ALG10: variants seen among roughly 807,000 people sequenced by gnomAD.
ALG10 encodes dol-P-Glc:Glc(2)Man(9)GlcNAc(2)-PP-Dol alpha-1,2-glucosyltransferase A.
A neutral mutation model predicts 39.2 loss-of-function variants in ALG10; 25 were observed. The ratio of observed to expected loss-of-function variants is 0.64; its 90% CI spans 0.46 to 0.89. The LOEUF (loss-of-function observed/expected upper bound fraction) is 0.89. Ranked by LOEUF, ALG10 falls within the 40% of genes least tolerant of loss-of-function variation. ALG10 has a pLI of 0.00. For synonymous variants in ALG10, 184 were observed against 193.9 expected (o/e 0.95, Z 0.42); for missense variants, 486 against 546.6 (o/e 0.89, Z 1.11).
At chr12:34,025,148 T>G (rs946805047) in intron 2 of ALG10, among the ~76,000 whole-genome samples, 3 of 152,114 alleles carry the variant, frequency 2.0e-5, no homozygotes, top group African/African-American at 7.2e-5. Context: ...ACTTTGAACT[T>G]TAGCATGTAA....
At chr12:34,022,809 G>C in intron 1 of ALG10, 39 bp downstream of exon 1, 4 of 1,613,474 alleles carry the variant, frequency 2.5e-6, no homozygotes, top group Non-Finnish European at 3.4e-6. Flanking sequence ...GGAGAGGCCT[G>C]AGAGGTCCCA....
Position 34,026,435 on chromosome 12 carries a change from T to C in ALG10, c.942T>C (p.Thr314=). Residue 314 remains threonine, a synonymous_variant, in exon 3 of 3, where the codon ACT becomes ACC. Coordinates refer to ENST00000266483, the MANE Select transcript of ALG10 (RefSeq NM_032834.4). ...PHLLSPSKIK[T]FLSLVWKRRI... Reference sequence around the variant, plus strand: ...TCCTGTCTCCTAGCAAAATTAAGACTTTTCTTTCCTTAGTTTGGAAACGTA... The same window carrying C: ...TCCTGTCTCCTAGCAAAATTAAGACCTTTCTTTCCTTAGTTTGGAAACGTA... The C allele has an allele frequency of 6.2e-7, 1 of 1,613,936 alleles. No homozygotes were observed. The highest frequency in any genetic ancestry group is 8.5e-7 in the Non-Finnish European group (1 of 1,179,966).
chr12:34,024,217 G>A lies in ALG10; in HGVS notation c.369+58G>A, dbSNP rs916256892. ...GTGTAGTCAGGTCCACAATTACAAT[G>A]AATTAGTTTTATGAGATTTGGTGAA... is the stretch of plus-strand genomic sequence containing the variant. On this transcript the variant is annotated intron_variant, in intron 2 of 2. Coordinates refer to ENST00000266483, the MANE Select transcript of ALG10 (RefSeq NM_032834.4). The A allele has an allele frequency of 2.5e-6, 4 of 1,575,100 alleles. No homozygotes were observed. In the African/African-American group the frequency reaches 4.1e-5, roughly 16 times the overall value.
Position 34,026,469 on chromosome 12 carries a change from T to G in ALG10, c.976T>G (p.Phe326Val). The change falls in exon 3 of 3, where the codon TTT becomes GTT. Residue 326 changes from phenylalanine (F) to valine (V), a missense_variant. Coordinates refer to ENST00000266483, the MANE Select transcript of ALG10 (RefSeq NM_032834.4). ...LSLVWKRRIL[F>V]FVVTLVSVFL... ...CTTAGTTTGGAAACGTAGAATTCTG[T>G]TTTTTGTGGTTACCTTAGTCTCTGT... 6.2e-7 allele frequency: 1 copy of G among 1,614,032 alleles called. No homozygotes were observed. The highest frequency in any genetic ancestry group is 8.5e-7 in the Non-Finnish European group (1 of 1,179,952).
chr12:34,026,234 G>A lies in ALG10; in HGVS notation c.741G>A (p.Leu247=), dbSNP rs768107400. ...CTTATTCCATGTCCTTTAAAAACTT[G>A]AGTATGCTTTTGCTTCTGACTTGGC... ...LLAYSMSFKN[L]SMLLLLTWPY... is the part of the protein sequence containing the mutation. Residue 247 remains leucine, a synonymous_variant, in exon 3 of 3, where the codon TTG becomes TTA. Coordinates refer to ENST00000266483, the MANE Select transcript of ALG10 (RefSeq NM_032834.4). 6.2e-7 allele frequency: 1 copy of A among 1,614,018 alleles called. No individual in the cohort carries two copies. The highest frequency in any genetic ancestry group is 8.5e-7 in the Non-Finnish European group (1 of 1,179,944).
Position 34,026,842 on chromosome 12 carries a change from T to C in ALG10, c.1349T>C (p.Ile450Thr). 6.2e-7 allele frequency: 1 copy of C among 1,613,902 alleles called. No homozygotes were observed. Among genetic ancestry groups the C allele is most frequent in the South Asian group, 1.1e-5 (1 of 91,062 alleles). The change falls in exon 3 of 3, where the codon ATA becomes ACA. Residue 450 changes from isoleucine to threonine, a missense_variant. Coordinates refer to ENST00000266483, the MANE Select transcript of ALG10 (RefSeq NM_032834.4). Reference sequence around the variant, plus strand: ...AGCTGCTATGCAGTTGTTAATTTCATAACTTTTTTCATCTTTCTGAACAAG... The same window carrying C: ...AGCTGCTATGCAGTTGTTAATTTCACAACTTTTTTCATCTTTCTGAACAAG... ...ELSCYAVVNF[I>T]TFFIFLNKTF... is the part of the protein sequence containing the mutation.
chr12:34,026,036 T>C lies in ALG10; in HGVS notation c.543T>C (p.Cys181=). Residue 181 remains cysteine (C), a synonymous_variant, in exon 3 of 3, where the codon TGT becomes TGC. Transcript: ENST00000266483. ...AAACTTCAGCCTTCCTTGGATTTTG[T>C]GGCTTCATGTTTCGGCAAACAAATA... ...NHKTSAFLGF[C]GFMFRQTNII... The C allele has an allele frequency of 6.2e-7, 1 of 1,614,112 alleles. No individual in the cohort carries two copies.
chr12:34,026,020 C>G lies in ALG10; in HGVS notation c.527C>G (p.Ala176Gly), dbSNP rs776778309. The change falls in exon 3 of 3, where the codon GCC becomes GGC. Residue 176 changes from alanine (A) to glycine (G), a missense_variant. Ala to Gly is a moderately conservative substitution (Grantham distance 60, BLOSUM62 0). Transcript: ENST00000266483. Reference protein sequence around the residue: ...MCLYGNHKTSAFLGFCGFMFR... With the variant: ...MCLYGNHKTSGFLGFCGFMFR... ...CTTTATGGAAATCATAAAACTTCAG[C>G]CTTCCTTGGATTTTGTGGCTTCATG... 6.2e-6 allele frequency: 10 copies of G among 1,614,024 alleles called. No homozygotes were observed. Among genetic ancestry groups the G allele is most frequent in the Non-Finnish European group, 7.6e-6 (9 of 1,179,958 alleles).
In ALG10 at chr12:34,022,670, TCTC is replaced by T. The variant is rs776371338; in HGVS notation, c.73_75del (p.Ser25del). On this transcript the variant is annotated inframe_deletion, in exon 1 of 3. Coordinates refer to ENST00000266483, the MANE Select transcript of ALG10 (RefSeq NM_032834.4). ...ACCTTTTTAGTATCCTGCCTCCTCTTCTCCGCCTTCAGCCGGGCGTTGCGAGAG... is the reference window on the plus strand; with the variant it reads ...ACCTTTTTAGTATCCTGCCTCCTCTTCGCCTTCAGCCGGGCGTTGCGAGAG... The T allele has an allele frequency of 3.7e-6, 6 of 1,614,094 alleles. No individual in the cohort carries two copies. The highest frequency in any genetic ancestry group is 5.1e-6 in the Non-Finnish European group (6 of 1,180,012).
At position 34,023,958 on chromosome 12, in the gene ALG10, A is replaced by C. The variant is rs1259810539; in HGVS notation, c.172-4A>C. On this transcript the variant is annotated splice_polypyrimidine_tract_variant and splice_region_variant and intron_variant, in intron 1 of 2. Transcript: ENST00000266483. ...CTTTTACTTCATTTTCTTTCATTTTAAAGTGGGATCCCATGATTACTACAT... is the reference window on the plus strand; with the variant it reads ...CTTTTACTTCATTTTCTTTCATTTTCAAGTGGGATCCCATGATTACTACAT... 1 of 1,613,968 alleles carries C rather than the reference A, an allele frequency of 6.2e-7. No homozygotes were observed. The highest frequency in any genetic ancestry group is 1.7e-5 in the Admixed American group (1 of 60,028).
Position 34,024,157 on chromosome 12 carries a change from A to G in ALG10, c.367A>G (p.Lys123Glu), listed in dbSNP as rs1942808216. The G allele has an allele frequency of 3.7e-6, 6 of 1,613,984 alleles. No homozygotes were observed. Among genetic ancestry groups the G allele is most frequent in the Non-Finnish European group, 5.1e-6 (6 of 1,179,880 alleles). ...LLFCKVQPRN[K>E]AASSIQRVLS... The stretch of plus-strand genomic sequence containing the variant: ...TTTCTGCAAGGTACAACCCAGAAAC[A>G]AGGTATGTTTCAAAATACTTAATTA... The change falls in exon 2 of 3, where the codon AAG (lysine) becomes GAG (glutamate). Residue 123 changes from lysine to glutamate, a missense_variant and splice_region_variant. Physicochemically the swap from Lys to Glu is moderately conservative, Grantham distance 56. Transcript: ENST00000266483.
chr12:34,025,722 G>C, intron 2 of ALG10, 141 bp from the exon 3 acceptor site: 1 of 1,094,224 alleles, frequency 9.1e-7, no homozygotes, highest in Non-Finnish European at 1.3e-6. Context: ...CAAAGCCAGA[G>C]ATAAGATTAA....
At chr12:34,024,327 A>AT (rs1405167496) in intron 2 of ALG10, among the ~76,000 whole-genome samples, 168 bp downstream of exon 2, 2 of 152,256 alleles carry the variant, frequency 1.3e-5, no homozygotes, top group Non-Finnish European at 2.9e-5. Flanking sequence ...TTTAGAATAA[A>AT]TTCGTATTTA....
chr12:34,025,152 C>T (rs1942817105), intron 2 of ALG10, among the ~76,000 whole-genome samples: 1 of 152,108 alleles, frequency 6.6e-6, no homozygotes, highest in South Asian at 2.1e-4. Context: ...TGAACTTTAG[C>T]ATGTAATGTA....
chr12:34,022,413 A>C, upstream of ALG10: 1 of 890,120 alleles, frequency 1.1e-6, no homozygotes, highest in Non-Finnish European at 1.8e-6. Flanking sequence ...TAAACCCGTC[A>C]CTCCGGGAAA....
At position 34,026,919 on chromosome 12, in the gene ALG10, C is replaced by T; in HGVS notation, c.*4C>T. 6.2e-7 allele frequency: 1 copy of T among 1,612,538 alleles called. No individual in the cohort carries two copies. The highest frequency in any genetic ancestry group is 1.3e-5 in the African/African-American group (1 of 74,944). On this transcript the variant is annotated 3_prime_UTR_variant, in exon 3 of 3. Coordinates refer to ENST00000266483, the MANE Select transcript of ALG10 (RefSeq NM_032834.4). ...CATTCAAAGGTTTATGTGGTAATAT[C>T]AGTGATATTTCGAACTGTGAAAATG... is the stretch of plus-strand genomic sequence containing the variant.
At position 34,026,973 on chromosome 12, in the gene ALG10, G is replaced by A; in HGVS notation, c.*58G>A. 1 of 1,563,890 alleles carries A rather than the reference G, an allele frequency of 6.4e-7. No homozygotes were observed. Among genetic ancestry groups the A allele is most frequent in the Non-Finnish European group, 8.7e-7 (1 of 1,147,572 alleles). On this transcript the variant is annotated 3_prime_UTR_variant, in exon 3 of 3. Coordinates refer to ENST00000266483, the MANE Select transcript of ALG10 (RefSeq NM_032834.4). ...TTAATAATTAGACCATTTCTACAAAGAACAACTGAATAGGTGGAAAACATG... is the reference window on the plus strand; with the variant it reads ...TTAATAATTAGACCATTTCTACAAAAAACAACTGAATAGGTGGAAAACATG...
Position 34,023,952 on chromosome 12 carries a change from C to G in ALG10, c.172-10C>G, listed in dbSNP as rs763430326. 1 of 1,613,964 alleles carries G rather than the reference C, an allele frequency of 6.2e-7. No homozygotes were observed. Among genetic ancestry groups the G allele is most frequent in the Non-Finnish European group, 8.5e-7 (1 of 1,179,910 alleles). On this transcript the variant is annotated splice_polypyrimidine_tract_variant and intron_variant, in intron 1 of 2. Transcript: ENST00000266483. ...CTCTTGCTTTTACTTCATTTTCTTTCATTTTAAAGTGGGATCCCATGATTA... is the reference window on the plus strand; with the variant it reads ...CTCTTGCTTTTACTTCATTTTCTTTGATTTTAAAGTGGGATCCCATGATTA...
Position 34,026,066 on chromosome 12 carries a change from C to T in ALG10, c.573C>T (p.Ile191=). ...CGFMFRQTNI[I]WAVFCAGNVI... is the part of the protein sequence containing the mutation. The stretch of plus-strand genomic sequence containing the variant: ...TCATGTTTCGGCAAACAAATATCAT[C>T]TGGGCTGTCTTCTGTGCAGGAAATG... The change falls in exon 3 of 3, where the codon ATC becomes ATT. Residue 191 remains isoleucine (I), a synonymous_variant. Coordinates refer to ENST00000266483, the MANE Select transcript of ALG10 (RefSeq NM_032834.4). 9 of 1,614,040 alleles carry T rather than the reference C, an allele frequency of 5.6e-6. No homozygotes were observed. The highest frequency in any genetic ancestry group is 6.8e-6 in the Non-Finnish European group (8 of 1,179,950).
Sources: gnomAD v4.1 joint callset for allele counts (sites outside exome capture counted in the v4.1 genomes callset) on GRCh38, gnomAD v4.1.1 for gene constraint, MANE v1.5 for transcripts, NCBI Gene and HGNC (gene_info 2026-07-23, HGNC 2026-07-21) for gene names.